The following ANK1 variants were observed in gnomAD, a reference collection of about 807,000 sequenced individuals.
ANK1 encodes ankyrin-1.
In ANK1, 51 loss-of-function variants were observed where a neutral mutation model predicts 210.4. That is an observed-to-expected ratio of 0.24 (90% CI 0.19 to 0.31). The LOEUF (loss-of-function observed/expected upper bound fraction) is 0.31. Among genes scored for constraint, ANK1 ranks in the 10% least tolerant of loss-of-function variants. The probability of loss-of-function intolerance (pLI) is 1.00; values close to 1 mark genes in which losing one functional copy is unlikely to be tolerated. For synonymous variants in ANK1, 967 were observed against 1,025.9 expected (o/e 0.94, Z 1.10); for missense variants, 2,051 against 2,504.4 (o/e 0.82, Z 3.86).
chr8:41,788,721 G>C (rs1035527504), intron 1 of ANK1, among the ~76,000 whole-genome samples: 1 of 152,132 alleles, frequency 6.6e-6, no homozygotes, highest in Admixed American at 6.5e-5. Flanking sequence ...CTGGTAGAGG[G>C]GCAATATTTT....
At chr8:41,725,627 G>T (rs921634469) in intron 6 of ANK1, 134 bp downstream of exon 6, 1 of 1,250,184 alleles carries the variant, frequency 8.0e-7, no homozygotes, top group Non-Finnish European at 1.1e-6. Flanking sequence ...GCGTCCTGGG[G>T]TGAGGGCGCT....
At chr8:41,792,104 A>G (rs1340714085) in intron 1 of ANK1, among the ~76,000 whole-genome samples, 1 of 152,140 alleles carries the variant, frequency 6.6e-6, no homozygotes, top group African/African-American at 2.4e-5. Context: ...TTTCTTCCTG[A>G]GCCCCCACAG....
chr8:41,729,094 G>A (rs1289101053), intron 3 of ANK1, among the ~76,000 whole-genome samples: 1 of 152,186 alleles, frequency 6.6e-6, no homozygotes, highest in Non-Finnish European at 1.5e-5. Context: ...ATACAGAAAA[G>A]GAAAGGGTAA....
rs200871595 is a variant in ANK1 at position 41,694,573 on chromosome 8, C to G, written c.3327+19G>C. 1.9e-6 allele frequency: 3 copies of G among 1,608,276 alleles called. No individual in the cohort carries two copies. Among genetic ancestry groups the G allele is most frequent in the East Asian group, 2.2e-5 (1 of 44,796 alleles). On this transcript the variant is annotated intron_variant, in intron 28 of 42. Transcript: ENST00000289734. The surrounding 1 kb of genome is among the most constrained non-coding windows in gnomAD (Gnocchi z 5.7). ...AGTTCAGTCCACCCCCAGGACCTGG[C>G]GGGGAGGAGGGCTGTCACCTGCAGA... is the stretch of plus-strand genomic sequence containing the variant.
intron 16 of ANK1, among the ~76,000 whole-genome samples, chr8:41,712,099 A>G (rs1826311397): frequency 1.3e-5 from 2 of 151,858 alleles, no homozygotes; most frequent in African/African-American, 2.4e-5. Context: ...TAATTTTTGT[A>G]TTTTTAGTAG....
At chr8:41,878,274 G>C (rs931592582) in intron 1 of ANK1, among the ~76,000 whole-genome samples, 3 of 152,152 alleles carry the variant, frequency 2.0e-5, no homozygotes, top group Non-Finnish European at 4.4e-5. Context: ...ATCCAGCCTG[G>C]TGCCCCCACC....
rs193234964 is a variant in ANK1, at chr8:41,657,769, G to C, written c.*37-2016C>G. 3.3e-5 allele frequency among the ~76,000 whole-genome samples: 5 copies of C among 152,352 alleles called. No individual in the cohort carries two copies. The East Asian group carries it at 9.6e-4, about 29-fold the overall frequency. On this transcript the variant is annotated intron_variant, in intron 42 of 42. Transcript: ENST00000289734. Reference sequence around the variant, plus strand: ...TAGAGGCACAGTGGCAAGAGCAGGGGTGAGATGAGGACCTAGGCCACCTCA... The same window carrying C: ...TAGAGGCACAGTGGCAAGAGCAGGGCTGAGATGAGGACCTAGGCCACCTCA...
chr8:41,773,861 T>C lies in ANK1; in HGVS notation c.28-15724A>G, dbSNP rs997489685. The stretch of plus-strand genomic sequence containing the variant: ...CCCGGTGCTGGAGAAGGATGGGGAG[T>C]GGACCCAAGTGGCAAGCCTGCGGGG... On this transcript the variant is annotated intron_variant, in intron 1 of 42. Transcript: ENST00000289734. Among the ~76,000 whole-genome samples, 3 of 151,920 alleles carry C rather than the reference T, an allele frequency of 2.0e-5. 1 individual carries two copies. The highest frequency in any genetic ancestry group is 4.4e-5 in the Non-Finnish European group (3 of 67,986).
At chr8:41,892,555 G>T (rs1354671235) in intron 1 of ANK1, among the ~76,000 whole-genome samples, 13 of 152,188 alleles carry the variant, frequency 8.5e-5, no homozygotes, top group Middle Eastern at 3.2e-3. Context: ...GTGTAGCAGA[G>T]ACCCTGCAAG....
chr8:41,840,260 A>T (rs1808623546), intron 1 of ANK1: 1 of 152,128 alleles, frequency 6.6e-6, no homozygotes, highest in Admixed American at 6.5e-5. Flanking sequence ...CATCTGATTG[A>T]CATAGCGCAC....
intron 1 of ANK1, among the ~76,000 whole-genome samples, chr8:41,813,530 C>T (rs1802811423): frequency 6.6e-6 from 1 of 152,186 alleles, no homozygotes; most frequent in Admixed American, 6.5e-5. Flanking sequence ...AAGGTAATTA[C>T]AGTAAGACTA....
At chr8:41,752,381 C>T (rs765948429) in intron 2 of ANK1, among the ~76,000 whole-genome samples, 5 of 152,218 alleles carry the variant, frequency 3.3e-5, no homozygotes, top group Admixed American at 6.5e-5. Flanking sequence ...CCTTTCCTCC[C>T]TGCTCTCATC....
chr8:41,767,373 GCTGCC>G, intron 1 of ANK1, among the ~76,000 whole-genome samples: 1 of 151,014 alleles, frequency 6.6e-6, no homozygotes, highest in East Asian at 2.0e-4. Flanking sequence ...GCCCTGTCGC[GCTGCC>G]ATCGTCCGGC....
chr8:41,774,859 G>C (rs1379830991), intron 1 of ANK1, among the ~76,000 whole-genome samples: 1 of 152,244 alleles, frequency 6.6e-6, no homozygotes, highest in Non-Finnish European at 1.5e-5. Context: ...CGAGACTAGA[G>C]TGGAATTACA....
At chr8:41,686,833 T>G (rs568381281) in intron 35 of ANK1, among the ~76,000 whole-genome samples, 6 of 152,330 alleles carry the variant, frequency 3.9e-5, no homozygotes, top group African/African-American at 1.2e-4. Flanking sequence ...TAATGCAGAC[T>G]GTTAGCCAAA....
intron 10 of ANK1, 113 bp downstream of exon 10, chr8:41,719,548 C>T: frequency 1.4e-6 from 2 of 1,401,648 alleles, no homozygotes; most frequent in Non-Finnish European, 2.0e-6. Context: ...GGCCTCGAAT[C>T]TGGGGAGCTC....
intron 10 of ANK1, among the ~76,000 whole-genome samples, chr8:41,719,349 G>T (rs1255285308): frequency 2.0e-5 from 3 of 152,326 alleles, no homozygotes; most frequent in Non-Finnish European, 4.4e-5. Context: ...CCACTGGAGA[G>T]ATGCCCCAAG....
intron 2 of ANK1, among the ~76,000 whole-genome samples, chr8:41,745,358 T>G (rs1238166564): frequency 6.6e-6 from 1 of 152,214 alleles, no homozygotes; most frequent in Admixed American, 6.5e-5. Context: ...TACACTGGAC[T>G]GTCTGGGGAT....
At position 41,690,558 on chromosome 8, in the gene ANK1, G is replaced by C; in HGVS notation, c.3900C>G (p.Asn1300Lys). The change falls in exon 32 of 43, where the codon AAC becomes AAG. Residue 1300 changes from asparagine (N) to lysine (K), a missense_variant. This residue lies in a region of ANK1 where 1,413 missense variants were observed against 1,707.4 expected (regional missense o/e 0.83). Transcript: ENST00000289734. ...GMSLFAELSGNLVPVKKAAQQ... is the reference protein window; with the variant it reads ...GMSLFAELSGKLVPVKKAAQQ... ...GGGCAGCTTTCTTCACAGGCACCAG[G>C]TTCCCAGAGAGTTCTGCAAACAGGG... 1 of 1,613,894 alleles carries C rather than the reference G, an allele frequency of 6.2e-7. No homozygotes were observed. The highest frequency in any genetic ancestry group is 8.5e-7 in the Non-Finnish European group (1 of 1,179,904).
Sources: allele counts gnomAD v4.1 joint callset (sites outside exome capture counted in the v4.1 genomes callset), GRCh38; gene constraint gnomAD v4.1.1; regional missense constraint gnomAD v4.1.1; non-coding constraint Gnocchi (gnomAD v3.1); transcripts MANE v1.5; gene names NCBI Gene and HGNC (gene_info 2026-07-23, HGNC 2026-07-21).